NBN: variants seen among roughly 807,000 people sequenced by gnomAD.
The protein encoded by NBN is nibrin.
A neutral mutation model predicts 90.8 loss-of-function variants in NBN; 88 were observed. The ratio of observed to expected loss-of-function variants is 0.97; its 90% CI spans 0.82 to 1.16. The LOEUF (loss-of-function observed/expected upper bound fraction) is 1.16. Ranked by LOEUF, NBN falls within the 50% of genes most tolerant of loss-of-function variation. NBN has a pLI of 0.00. For missense variants in NBN, 894 were observed against 869.6 expected (o/e 1.03, Z -0.35); for synonymous variants, 328 against 295.1 (o/e 1.11, Z -1.14).
chr8:89,975,034 C>T lies in NBN; in HGVS notation c.584+3186G>A, dbSNP rs544465280. ...GATAATCTCCTTACATTTAGACATA[C>T]AAATCTCCTCTATTAGAGCACAGAT... is the stretch of plus-strand genomic sequence containing the variant. On this transcript the variant is annotated intron_variant, in intron 5 of 15. Coordinates refer to ENST00000265433, the MANE Select transcript of NBN (RefSeq NM_002485.5). 4.7e-4 allele frequency among the ~76,000 whole-genome samples: 71 copies of T among 152,324 alleles called. No homozygotes were observed. In the South Asian group the frequency reaches 0.013, roughly 28 times the overall value.
Position 89,984,422 on chromosome 8 carries a change from TC to T in NBN, c.37+102del, listed in dbSNP as rs929283654. The T allele has an allele frequency of 1.1e-5, 12 of 1,108,984 alleles. No homozygotes were observed. The African/African-American group carries it at 1.2e-4, about 12-fold the overall frequency. The allele number at this position is 1,108,984 out of a possible 1,614,324, so 68.7% of individuals were successfully genotyped here. On this transcript the variant is annotated intron_variant, in intron 1 of 15. Coordinates refer to ENST00000265433, the MANE Select transcript of NBN (RefSeq NM_002485.5). ...CGCTTCTGCGACCGCTTCCGCAGCGTCCCCGGGCAGGAACGGACGCGACGCA... is the reference window on the plus strand; with the variant it reads ...CGCTTCTGCGACCGCTTCCGCAGCGTCCCGGGCAGGAACGGACGCGACGCA...
At position 89,943,258 on chromosome 8, in the gene NBN, T is replaced by C. The variant is rs1554555732; in HGVS notation, c.2179A>G (p.Met727Val). The change falls in exon 14 of 16, where the codon ATG (methionine) becomes GTG (valine). Residue 727 changes from methionine to valine, a missense_variant. By Grantham distance (21) the Met-to-Val change is conservative. Coordinates refer to ENST00000265433, the MANE Select transcript of NBN (RefSeq NM_002485.5). ...GGGCCTCACTTCCTACTAACCTCCA[T>C]TTCCTGCCTTAGCCACTCTTCTAGT... ...TELEEWLRQEMEVQNQHAKEE... is the reference protein window; with the variant it reads ...TELEEWLRQEVEVQNQHAKEE... The C allele has an allele frequency of 6.2e-7, 1 of 1,613,732 alleles. No individual in the cohort carries two copies. Among genetic ancestry groups the C allele is most frequent in the Non-Finnish European group, 8.5e-7 (1 of 1,179,764 alleles).
chr8:89,957,283 G>A (rs1810766072), intron 9 of NBN, among the ~76,000 whole-genome samples: 1 of 152,254 alleles, frequency 6.6e-6, no homozygotes, highest in Non-Finnish European at 1.5e-5. Flanking sequence ...AGGCTAACAT[G>A]TATGTTTATG....
At chr8:89,959,596 T>C (rs1287142351) in intron 8 of NBN, among the ~76,000 whole-genome samples, 3 of 151,314 alleles carry the variant, frequency 2.0e-5, no homozygotes, top group Non-Finnish European at 2.9e-5. Flanking sequence ...CTACAAAAAT[T>C]AAAAAAAACT....
intron 2 of NBN, chr8:89,982,292 T>C: frequency 3.8e-6 from 1 of 260,022 alleles, no homozygotes; most frequent in Non-Finnish European, 7.6e-6. Flanking sequence ...TCCACACAGC[T>C]ACATAACCTC....
intron 13 of NBN, 53 bp from the exon 14 acceptor site, chr8:89,943,419 CATTT>C: frequency 2.6e-6 from 4 of 1,550,170 alleles, no homozygotes; most frequent in Non-Finnish European, 3.6e-6. Context: ...CAAAAATGAC[CATTT>C]TTTTAAAAAG....
At position 89,968,132 on chromosome 8, in the gene NBN, G is replaced by A. The variant is rs533671325; in HGVS notation, c.896+2232C>T. Reference sequence around the variant, plus strand: ...AATTAGCAGCAACGTGGTGGTGTACGCCTGTAGTCCCAGCTACTTGGGAGG... The same window carrying A: ...AATTAGCAGCAACGTGGTGGTGTACACCTGTAGTCCCAGCTACTTGGGAGG... On this transcript the variant is annotated intron_variant, in intron 7 of 15. Transcript: ENST00000265433. Among the ~76,000 whole-genome samples the A allele has an allele frequency of 5.3e-5, 8 of 152,042 alleles. No individual in the cohort carries two copies. In the South Asian group the frequency reaches 6.2e-4, roughly 12 times the overall value.
intron 8 of NBN, among the ~76,000 whole-genome samples, chr8:89,962,864 A>C (rs962586171): frequency 6.6e-6 from 1 of 152,202 alleles, no homozygotes; most frequent in African/African-American, 2.4e-5. Context: ...AATCATCCCT[A>C]CACCACCATT....
intron 14 of NBN, among the ~76,000 whole-genome samples, chr8:89,940,819 C>G (rs959671394): frequency 2.0e-5 from 3 of 152,036 alleles, no homozygotes; most frequent in Admixed American, 6.6e-5. Context: ...TAATAACAGC[C>G]TTTCAGAATT....
intron 9 of NBN, among the ~76,000 whole-genome samples, chr8:89,957,860 G>A (rs1039406585): frequency 4.6e-5 from 7 of 152,102 alleles, no homozygotes; most frequent in Admixed American, 2.6e-4. Flanking sequence ...CCAGGTTTGC[G>A]GGCAGAGGGG....
At chr8:89,978,811 T>C (rs981678057) in intron 4 of NBN, among the ~76,000 whole-genome samples, 4 of 152,076 alleles carry the variant, frequency 2.6e-5, no homozygotes, top group Non-Finnish European at 5.9e-5. Context: ...GTAAATAAAA[T>C]AATTTTTGGT....
In NBN at chr8:89,935,419, C is replaced by T. The variant is rs768441791; in HGVS notation, c.*163G>A. ...CTGAAAACAGAACAAACAATTGTTA[C>T]ATACAAAAGAATCAAAGTTTTGTGC... On this transcript the variant is annotated 3_prime_UTR_variant, in exon 16 of 16. Coordinates refer to ENST00000265433, the MANE Select transcript of NBN (RefSeq NM_002485.5). 2.6e-5 allele frequency: 20 copies of T among 757,162 alleles called. No homozygotes were observed. Among genetic ancestry groups the T allele is most frequent in the Middle Eastern group, 7.8e-4 (2 of 2,580 alleles). 46.9% of individuals were successfully genotyped at this position (757,162 alleles called of 1,614,324 possible).
At chr8:89,979,179 A>G (rs1323968782) in intron 4 of NBN, among the ~76,000 whole-genome samples, 2 of 151,840 alleles carry the variant, frequency 1.3e-5, no homozygotes, top group African/African-American at 4.8e-5. Flanking sequence ...GAGTCTCACT[A>G]TGTTGCCCAG....
intron 1 of NBN, among the ~76,000 whole-genome samples, chr8:89,983,346 T>G (rs1812165399): frequency 6.6e-6 from 1 of 151,626 alleles, no homozygotes; most frequent in Non-Finnish European, 1.5e-5. Context: ...GCAAGAGAAC[T>G]GCTTGAACCC....
At chr8:89,967,851 C>T (rs951541565) in intron 7 of NBN, among the ~76,000 whole-genome samples, 6 of 152,208 alleles carry the variant, frequency 3.9e-5, no homozygotes, top group African/African-American at 1.4e-4. Flanking sequence ...CAATAGCTGG[C>T]TTTACTGGCC....
intron 13 of NBN, among the ~76,000 whole-genome samples, chr8:89,944,731 C>T (rs1370490665): frequency 6.6e-6 from 1 of 152,104 alleles, no homozygotes; most frequent in African/African-American, 2.4e-5. Flanking sequence ...GCAGACATCA[C>T]CATGCCTAGC....
intron 1 of NBN, 29 bp from the exon 2 acceptor site, chr8:89,982,884 T>G: frequency 6.2e-7 from 1 of 1,604,198 alleles, no homozygotes; most frequent in Non-Finnish European, 8.5e-7. Flanking sequence ...TAAAAAAAGA[T>G]AAGTTGATAG....
chr8:89,962,460 T>C (rs963762258), intron 8 of NBN, among the ~76,000 whole-genome samples: 2 of 152,220 alleles, frequency 1.3e-5, no homozygotes, highest in African/African-American at 2.4e-5. Flanking sequence ...CAGCACCTGC[T>C]AGTTCTAAAA....
At chr8:89,956,297 G>A (rs567901374) in intron 9 of NBN, among the ~76,000 whole-genome samples, 1 of 151,488 alleles carries the variant, frequency 6.6e-6, no homozygotes, top group Non-Finnish European at 1.5e-5. Flanking sequence ...CTCAATATGA[G>A]TGTAGCAAAA....
Sources: gnomAD v4.1 joint callset for allele counts (sites outside exome capture counted in the v4.1 genomes callset) on GRCh38, gnomAD v4.1.1 for gene constraint, MANE v1.5 for transcripts, NCBI Gene and HGNC (gene_info 2026-07-23, HGNC 2026-07-21) for gene names.